GLIS3: variants seen among roughly 807,000 people sequenced by gnomAD.
GLIS3 encodes the protein GLIS family zinc finger 3.
In GLIS3, 53 loss-of-function variants were observed where a neutral mutation model predicts 78.6. The observed-to-expected ratio is 0.67, with a 90% CI of 0.54 to 0.85. The LOEUF (loss-of-function observed/expected upper bound fraction) is 0.85. Among genes scored for constraint, GLIS3 ranks in the 40% least tolerant of loss-of-function variants. GLIS3 has a pLI of 0.00. For synonymous variants in GLIS3, 684 were observed against 509.9 expected, an observed-to-expected ratio of 1.34 and a Z score of -4.60; for missense variants, 1,703 against 1,231.1, an observed-to-expected ratio of 1.38 and a Z score of -5.74.
the GLIS3 span, among the ~76,000 whole-genome samples, chr9:4,354,873 T>G: frequency 6.6e-6 from 1 of 151,970 alleles, no homozygotes; most frequent in African/African-American, 2.4e-5. Context: ...TCCCAACACT[T>G]TGGGAGGCCG....
intron 4 of GLIS3, among the ~76,000 whole-genome samples, chr9:3,962,787 A>G (rs1258851028): frequency 6.6e-6 from 1 of 152,146 alleles, no homozygotes; most frequent in Non-Finnish European, 1.5e-5. Flanking sequence ...CACTCTAGCA[A>G]AAGGGATCCC....
the GLIS3 span, among the ~76,000 whole-genome samples, chr9:4,472,621 G>A: frequency 2.6e-5 from 4 of 151,522 alleles, no homozygotes; most frequent in Non-Finnish European, 4.4e-5. Context: ...GTGTGGGGAG[G>A]GGGGAGGGAT....
intron 8 of GLIS3, among the ~76,000 whole-genome samples, chr9:3,868,607 A>G (rs1262267902): frequency 1.3e-5 from 2 of 152,246 alleles, no homozygotes; most frequent in East Asian, 1.9e-4. Context: ...TATCAGGCAG[A>G]GAATACATTC....
the GLIS3 span, among the ~76,000 whole-genome samples, chr9:4,424,183 G>A: frequency 6.6e-6 from 1 of 152,164 alleles, no homozygotes; most frequent in Non-Finnish European, 1.5e-5. Context: ...AAGCCTATGA[G>A]GTAGCAGGAA....
chr9:4,333,281 G>T (rs575554500), intron 2 of GLIS3, among the ~76,000 whole-genome samples: 2 of 150,686 alleles, frequency 1.3e-5, no homozygotes, highest in Non-Finnish European at 1.5e-5. Context: ...GAAGGGGAAT[G>T]GTAGGGGCAG....
chr9:3,834,996 A>G (rs1267125395), intron 9 of GLIS3, among the ~76,000 whole-genome samples: 1 of 152,134 alleles, frequency 6.6e-6, no homozygotes. Context: ...CATTTATCCT[A>G]CCATATGATG....
chr9:4,082,757 C>G (rs1236700534), intron 4 of GLIS3, among the ~76,000 whole-genome samples: 2 of 152,202 alleles, frequency 1.3e-5, no homozygotes, highest in Admixed American at 6.5e-5. Flanking sequence ...TAACTCTCCA[C>G]TCTTTACTTG....
chr9:4,344,718 T>C (rs776747472), intron 2 of GLIS3, among the ~76,000 whole-genome samples: 1 of 152,200 alleles, frequency 6.6e-6, no homozygotes, highest in Non-Finnish European at 1.5e-5. Flanking sequence ...CCCAGAAACA[T>C]GACATATCCA....
chr9:3,973,764 T>C (rs529088390), intron 4 of GLIS3, among the ~76,000 whole-genome samples: 4 of 152,218 alleles, frequency 2.6e-5, no homozygotes, highest in African/African-American at 9.6e-5. Context: ...ATCCCAATAG[T>C]AGTTAAAATG....
intron 7 of GLIS3, among the ~76,000 whole-genome samples, chr9:3,882,920 G>A (rs1463821293): frequency 6.6e-6 from 1 of 152,174 alleles, no homozygotes; most frequent in Non-Finnish European, 1.5e-5. Context: ...CCTAGTAGAA[G>A]CCTGTAAGTC....
intron 4 of GLIS3, chr9:4,035,145 G>A (rs1031834477): frequency 6.6e-6 from 1 of 152,170 alleles, no homozygotes; most frequent in Non-Finnish European, 1.5e-5. Flanking sequence ...TACTACAGCT[G>A]TACAGAGTGC....
chr9:4,444,799 T>G, the GLIS3 span, among the ~76,000 whole-genome samples: 1 of 152,204 alleles, frequency 6.6e-6, no homozygotes, highest in Non-Finnish European at 1.5e-5. Context: ...GAAATTTTGT[T>G]TTCAGACTTG....
At chr9:4,253,361 G>A (rs1207762460) in intron 2 of GLIS3, among the ~76,000 whole-genome samples, 1 of 152,232 alleles carries the variant, frequency 6.6e-6, no homozygotes, top group East Asian at 1.9e-4. Flanking sequence ...CCAAGGTGCA[G>A]TGGGCTCTGC....
At chr9:4,383,723 C>A in the GLIS3 span, among the ~76,000 whole-genome samples, 3 of 152,214 alleles carry the variant, frequency 2.0e-5, no homozygotes, top group Admixed American at 6.5e-5. Flanking sequence ...ATGACTTGAT[C>A]ATCTCCATTT....
At chr9:4,101,944 C>A (rs1222727877) in intron 4 of GLIS3, among the ~76,000 whole-genome samples, 1 of 152,218 alleles carries the variant, frequency 6.6e-6, no homozygotes, top group East Asian at 1.9e-4. Context: ...TGCTGTAAAA[C>A]TGCAAACTTA....
At chr9:4,242,132 G>C (rs1056924738) in intron 2 of GLIS3, among the ~76,000 whole-genome samples, 1 of 152,134 alleles carries the variant, frequency 6.6e-6, no homozygotes, top group South Asian at 2.1e-4. Context: ...TGAGCAATAA[G>C]GGAAACCTGG....
chr9:4,098,827 C>G (rs184115236), intron 4 of GLIS3, among the ~76,000 whole-genome samples: 1 of 152,208 alleles, frequency 6.6e-6, no homozygotes, highest in African/African-American at 2.4e-5. Context: ...TTTGTCACCC[C>G]AAATTAGTTC....
At chr9:4,480,513 T>G in the GLIS3 span, among the ~76,000 whole-genome samples, 1 of 152,146 alleles carries the variant, frequency 6.6e-6, no homozygotes, top group African/African-American at 2.4e-5. Context: ...GCTTTAGATA[T>G]TCTAATGAAG....
At chr9:4,485,806 C>A in the GLIS3 span, among the ~76,000 whole-genome samples, 1 of 151,758 alleles carries the variant, frequency 6.6e-6, no homozygotes, top group Admixed American at 6.6e-5. Flanking sequence ...CTGCGACCTC[C>A]GCCTCCCCAG....
Sources: allele counts gnomAD v4.1 joint callset (sites outside exome capture counted in the v4.1 genomes callset), GRCh38; gene constraint gnomAD v4.1.1; transcripts MANE v1.5; gene names NCBI Gene and HGNC (gene_info 2026-07-23, HGNC 2026-07-21).